Variants in STAM observed in about 807,000 individuals in gnomAD.
STAM encodes signal transducing adaptor molecule, also known as signal transducing adapter molecule 1.
In STAM, 16 loss-of-function variants were observed where a neutral mutation model predicts 63.4. That is an observed-to-expected ratio of 0.25 (90% confidence interval 0.17 to 0.38). The LOEUF is 0.38. STAM is among the 10% of genes least tolerant of loss of function. The probability of loss-of-function intolerance (pLI) is 1.00; values close to 1 mark genes in which losing one functional copy is unlikely to be tolerated. For synonymous variants in STAM, 238 were observed against 223.9 expected (o/e 1.06, Z -0.56); for missense variants, 636 against 657.1 (o/e 0.97, Z 0.35).
At chr10:17,689,265 G>A (rs1554826483) in intron 5 of STAM, among the ~76,000 whole-genome samples, 3 of 152,212 alleles carry the variant, frequency 2.0e-5, no homozygotes, top group Non-Finnish European at 4.4e-5. Context: ...GGGACAGACT[G>A]TAATGAGTGA....
At chr10:17,668,988 G>A (rs888329391) in intron 2 of STAM, among the ~76,000 whole-genome samples, 2 of 152,144 alleles carry the variant, frequency 1.3e-5, no homozygotes, top group African/African-American at 2.4e-5. Flanking sequence ...GAACATGATT[G>A]CTAGATCATA....
intron 2 of STAM, among the ~76,000 whole-genome samples, chr10:17,662,674 T>C (rs1423992625): frequency 1.3e-5 from 2 of 152,246 alleles, no homozygotes; most frequent in Non-Finnish European, 2.9e-5. Flanking sequence ...TTTAGCTATG[T>C]CATACTGGGT....
intron 2 of STAM, among the ~76,000 whole-genome samples, chr10:17,663,524 G>T (rs992948306): frequency 6.6e-6 from 1 of 151,918 alleles, no homozygotes. Context: ...CTTTTAGTCA[G>T]TGTTTTTTCC....
intron 5 of STAM, among the ~76,000 whole-genome samples, chr10:17,689,967 C>T (rs72782514): frequency 6.4e-4 from 97 of 152,362 alleles, no homozygotes; most frequent in Non-Finnish European, 6.5e-4. Flanking sequence ...CACAAAGGGA[C>T]TTACTCTTGT....
intron 1 of STAM, among the ~76,000 whole-genome samples, chr10:17,656,614 C>T (rs7912814): frequency 0.14 from 21,329 of 152,112 alleles, 1,773 homozygotes; most frequent in East Asian, 0.26. Flanking sequence ...CTTAATTGGT[C>T]ATGGCATATG....
In STAM at chr10:17,676,230, T is replaced by G. The variant is rs139897219; in HGVS notation, c.126-8445T>G. Among the ~76,000 whole-genome samples, 1,036 of 152,326 alleles carry G rather than the reference T, an allele frequency of 6.8e-3. 3 individuals carry two copies. The highest frequency in any genetic ancestry group is 0.01 in the Admixed American group (159 of 15,304). On this transcript the variant is annotated intron_variant, in intron 2 of 13. Transcript: ENST00000377524. ...CATTTACTTCCAGGCATGAGCTGAC[T>G]TATTTTTAATAGTTATGACTTCACC...
chr10:17,661,663 A>C (rs189913776), intron 2 of STAM, among the ~76,000 whole-genome samples: 1 of 152,304 alleles, frequency 6.6e-6, no homozygotes, highest in Non-Finnish European at 1.5e-5. Context: ...TGACAAGATG[A>C]TTCTTTCATT....
intron 8 of STAM, 101 bp downstream of exon 8, chr10:17,696,970 AGTGCAGTG>A (rs1835786730): frequency 1.1e-6 from 1 of 895,352 alleles, no homozygotes; most frequent in Non-Finnish European, 1.8e-6. Flanking sequence ...CCCAGGCTGG[AGTGCAGTG>A]GTGCGAGCTC....
intron 11 of STAM, among the ~76,000 whole-genome samples, chr10:17,705,276 A>G (rs4748406): frequency 0.075 from 11,392 of 152,230 alleles, 459 homozygotes; most frequent in Middle Eastern, 0.13. Flanking sequence ...AGGGCTAGCT[A>G]TGTAATTCTC....
chr10:17,704,896 T>C, intron 10 of STAM, 74 bp from the exon 11 acceptor site: 2 of 1,232,730 alleles, frequency 1.6e-6, no homozygotes, highest in Non-Finnish European at 2.4e-6. Context: ...CCTTAAATTA[T>C]ACAAATATCT....
At chr10:17,688,253 T>C in intron 5 of STAM, 80 bp downstream of exon 5, 2 of 1,335,660 alleles carry the variant, frequency 1.5e-6, no homozygotes, top group Non-Finnish European at 2.0e-6. Context: ...TTTTTCTTCA[T>C]TCCCAGGTAA....
At chr10:17,708,141 C>T (rs1238282200) in intron 12 of STAM, among the ~76,000 whole-genome samples, 5 of 152,136 alleles carry the variant, frequency 3.3e-5, no homozygotes, top group African/African-American at 4.8e-5. Flanking sequence ...CTGCCTGCCT[C>T]GGCCTCCCAA....
intron 1 of STAM, among the ~76,000 whole-genome samples, chr10:17,649,563 C>T (rs188899201): frequency 2.2e-3 from 334 of 151,718 alleles, no homozygotes; most frequent in Middle Eastern, 6.8e-3. Context: ...TTTTTTTCCC[C>T]TAATACTTTA....
At chr10:17,697,330 G>T (rs781877501) in intron 8 of STAM, among the ~76,000 whole-genome samples, 1 of 152,220 alleles carries the variant, frequency 6.6e-6, no homozygotes, top group Non-Finnish European at 1.5e-5. Context: ...TTTCTTACCA[G>T]TTGATTACAG....
intron 9 of STAM, among the ~76,000 whole-genome samples, chr10:17,700,987 C>G (rs60753306): frequency 2.6e-5 from 4 of 152,142 alleles, no homozygotes; most frequent in Admixed American, 2.6e-4. Flanking sequence ...GAAAAGCTTA[C>G]GCTAATTTTA....
At chr10:17,686,168 C>T (rs574941374) in intron 4 of STAM, among the ~76,000 whole-genome samples, 73 of 152,144 alleles carry the variant, frequency 4.8e-4, no homozygotes, top group Non-Finnish European at 1.0e-3. Flanking sequence ...CTTTTAATGT[C>T]CTGAATGTCC....
intron 5 of STAM, among the ~76,000 whole-genome samples, chr10:17,689,124 G>GA (rs1313968872): frequency 3.9e-5 from 6 of 152,222 alleles, no homozygotes; most frequent in Middle Eastern, 3.4e-3. Context: ...ATGTCATGTA[G>GA]AAAAAAATCA....
At chr10:17,714,519 T>C (rs782358365) in intron 13 of STAM, 24 bp from the exon 14 acceptor site, 72 of 1,598,692 alleles carry the variant, frequency 4.5e-5, no homozygotes, top group South Asian at 1.5e-4. Flanking sequence ...ATTGATGTAA[T>C]TGAGTGTTTT....
chr10:17,710,261 T>G (rs556239694), intron 13 of STAM, among the ~76,000 whole-genome samples: 1 of 152,246 alleles, frequency 6.6e-6, no homozygotes, highest in Non-Finnish European at 1.5e-5. Flanking sequence ...CCTTGGGAAA[T>G]TATCCTTGTG....
Sources: gnomAD v4.1 joint callset for allele counts (sites outside exome capture counted in the v4.1 genomes callset) on GRCh38, gnomAD v4.1.1 for gene constraint, MANE v1.5 for transcripts, NCBI Gene and HGNC (gene_info 2026-07-23, HGNC 2026-07-21) for gene names.